AGR3: variants seen among roughly 807,000 people sequenced by gnomAD.
The protein encoded by AGR3 is anterior gradient 3, protein disulphide isomerase family member, also known as anterior gradient protein 3.
AGR3 carries 37 observed loss-of-function variants against 24.5 expected under a neutral mutation model. The observed-to-expected ratio is 1.51, with a 90% CI of 1.16 to 1.99. The LOEUF (loss-of-function observed/expected upper bound fraction) is 1.99. AGR3 is among the 30% of genes most tolerant of loss of function. The pLI is 0.00. For missense variants in AGR3, 228 were observed against 191.1 expected (o/e 1.19, Z -1.14); for synonymous variants, 75 against 61.6 (o/e 1.22, Z -1.02).
At chr7:16,858,891 T>A (rs1267219354), downstream of AGR3, among the ~76,000 whole-genome samples, 1 of 152,030 alleles carries the variant, frequency 6.6e-6, no homozygotes, top group Non-Finnish European at 1.5e-5. Flanking sequence ...AATAAATAAA[T>A]AAATGTAGTT....
At chr7:16,863,537 A>G (rs1187533701) in intron 3 of AGR3, among the ~76,000 whole-genome samples, 1 of 151,790 alleles carries the variant, frequency 6.6e-6, no homozygotes, top group Non-Finnish European at 1.5e-5. Context: ...TTTTTCTTAT[A>G]TTTTCTCCCA....
chr7:16,878,423 T>C, intron 2 of AGR3, 87 bp downstream of exon 2: 11 of 1,167,256 alleles, frequency 9.4e-6, no homozygotes, highest in Non-Finnish European at 1.3e-5. Flanking sequence ...GAATTTGCTT[T>C]ATAATTAGAC....
In AGR3 at chr7:16,861,235, A is replaced by G. The variant is rs116325360; in HGVS notation, c.367+149T>C. 2.9e-3 allele frequency: 1,625 copies of G among 562,438 alleles called. 21 individuals carry two copies. The highest frequency in any genetic ancestry group is 0.028 in the African/African-American group (1,456 of 51,614). The allele number at this position is 562,438 out of a possible 1,614,324, so 34.8% of individuals were successfully genotyped here. ...CAAATTACAGATATAGTGGATTTTG[A>G]TTGTAGAACTAACAAGAGCTGATAT... is the stretch of plus-strand genomic sequence containing the variant. On this transcript the variant is annotated intron_variant, in intron 6 of 7. Transcript: ENST00000310398.
chr7:16,862,041 G>A lies in AGR3; in HGVS notation c.246C>T (p.Ala82=), dbSNP rs1322011272. Residue 82 remains alanine, a synonymous_variant, in exon 5 of 8, where the codon GCC becomes GCT. Coordinates refer to ENST00000310398, the MANE Select transcript of AGR3 (RefSeq NM_176813.5). ...CCATTTCTTGTATTTCTTCATTTTG[G>A]GCAAATACTTTCTTTAGTGCTATAG... ...QYSQALKKVF[A]QNEEIQEMAQ... The A allele has an allele frequency of 1.9e-6, 3 of 1,613,130 alleles. No homozygotes were observed. The highest frequency in any genetic ancestry group is 2.5e-6 in the Non-Finnish European group (3 of 1,179,576).
intron 4 of AGR3, among the ~76,000 whole-genome samples, chr7:16,862,394 G>C (rs73307290): frequency 0.052 from 7,922 of 152,116 alleles, 353 homozygotes; most frequent in African/African-American, 0.12. Context: ...AGAGGAATAT[G>C]TAATTCCCAA....
At position 16,860,525 on chromosome 7, in the gene AGR3, T is replaced by A. The variant is rs766886310; in HGVS notation, c.426A>T (p.Thr142=). The A allele has an allele frequency of 5.0e-6, 8 of 1,613,816 alleles. No homozygotes were observed. Among genetic ancestry groups the A allele is most frequent in the Non-Finnish European group, 1.7e-6 (2 of 1,179,706 alleles). The part of the protein sequence containing the change: ...IAGRYSNRLY[T]YEPRDLPLLI... ...ATAGGGGTAAATCCCGAGGCTCATA[T>A]GTGTACAATCTGTTAGAGTATCTTC... The change falls in exon 7 of 8, where the codon ACA becomes ACT. Residue 142 remains threonine (T), a synonymous_variant. Transcript: ENST00000310398.
At chr7:16,861,065 C>T (rs1781632484) in intron 6 of AGR3, among the ~76,000 whole-genome samples, 1 of 151,998 alleles carries the variant, frequency 6.6e-6, no homozygotes, top group African/African-American at 2.4e-5. Context: ...AATTAGTTTT[C>T]ATACATGTCA....
intron 6 of AGR3, among the ~76,000 whole-genome samples, 182 bp from the exon 7 acceptor site, chr7:16,860,765 T>C (rs1310532438): frequency 6.6e-6 from 1 of 152,210 alleles, no homozygotes; most frequent in Non-Finnish European, 1.5e-5. Flanking sequence ...GTGAACATAG[T>C]AGCCAACAGT....
chr7:16,879,712 TCAAA>T (rs760836800), intron 1 of AGR3, among the ~76,000 whole-genome samples: 1 of 152,208 alleles, frequency 6.6e-6, no homozygotes, highest in Non-Finnish European at 1.5e-5. Flanking sequence ...GTGATTCTGT[TCAAA>T]CAAAGATGTT....
chr7:16,864,814 G>A lies in AGR3; in HGVS notation c.174-2152C>T, dbSNP rs189565214. On this transcript the variant is annotated intron_variant, in intron 3 of 7. Transcript: ENST00000310398. ...TTTGTTGGAATGTATCACACCTCTTGTAGCTATAGATGTCCTATATTTCCT... is the reference window on the plus strand; with the variant it reads ...TTTGTTGGAATGTATCACACCTCTTATAGCTATAGATGTCCTATATTTCCT... The A allele has an allele frequency of 7.4e-4, 670 of 900,834 alleles. 2 individuals carry two copies. In the African/African-American group the frequency reaches 9.9e-3, roughly 13 times the overall value. 55.8% of individuals were successfully genotyped at this position (900,834 alleles called of 1,614,324 possible). A position where few individuals can be genotyped will look rare whatever the true frequency, so the allele number is the denominator to read the frequency against.
At chr7:16,872,246 T>C (rs962980907) in intron 3 of AGR3, among the ~76,000 whole-genome samples, 14 of 152,140 alleles carry the variant, frequency 9.2e-5, no homozygotes, top group African/African-American at 3.4e-4. Context: ...ATGGTATTTG[T>C]ATAAAAACAG....
intron 3 of AGR3, chr7:16,873,499 G>C: frequency 3.5e-6 from 1 of 283,458 alleles, no homozygotes; most frequent in Non-Finnish European, 6.7e-6. Flanking sequence ...AATATAGCTA[G>C]ATAGGAGGAA....
chr7:16,880,700 A>G (rs1246838527), intron 1 of AGR3, among the ~76,000 whole-genome samples: 1 of 151,900 alleles, frequency 6.6e-6, no homozygotes, highest in Admixed American at 6.6e-5. Flanking sequence ...AAACCATAAA[A>G]CATTTCAGAA....
At chr7:16,865,482 A>G in intron 3 of AGR3, 4 of 737,202 alleles carry the variant, frequency 5.4e-6, no homozygotes, top group Non-Finnish European at 2.4e-6. Flanking sequence ...CTCTTCCCGA[A>G]TTTCTTTGGG....
chr7:16,879,595 A>G (rs1782063612), intron 1 of AGR3, among the ~76,000 whole-genome samples: 1 of 152,236 alleles, frequency 6.6e-6, no homozygotes. Context: ...CATTGATTTG[A>G]AGTTCCTTTA....
In AGR3 at chr7:16,877,071, A is replaced by G. The variant is rs910133494; in HGVS notation, c.109+1439T>C. ...ATATGTTGACTTTCTGTATATATAG[A>G]TTGTGTGTTTGTTAAACTGAAGTAG... On this transcript the variant is annotated intron_variant, in intron 2 of 7. Transcript: ENST00000310398. Among the ~76,000 whole-genome samples, 4 of 151,736 alleles carry G rather than the reference A, an allele frequency of 2.6e-5. 1 individual carries two copies. Among genetic ancestry groups the G allele is most frequent in the Non-Finnish European group, 5.9e-5 (4 of 67,970 alleles).
chr7:16,879,358 A>C (rs1401087785), intron 1 of AGR3, among the ~76,000 whole-genome samples: 2 of 152,244 alleles, frequency 1.3e-5, no homozygotes, highest in Non-Finnish European at 2.9e-5. Context: ...ACTGATTCTT[A>C]ACTCAATGTG....
intron 1 of AGR3, among the ~76,000 whole-genome samples, chr7:16,880,755 A>T (rs1275585265): frequency 6.6e-6 from 1 of 152,074 alleles, no homozygotes; most frequent in Non-Finnish European, 1.5e-5. Context: ...TACTTTAAAG[A>T]CTGAAACAAA....
intron 1 of AGR3, among the ~76,000 whole-genome samples, chr7:16,880,836 G>A (rs1314169311): frequency 6.6e-6 from 1 of 152,062 alleles, no homozygotes; most frequent in Non-Finnish European, 1.5e-5. Flanking sequence ...AGGGAAGGCA[G>A]CCTTAGTTAG....
Sources: gnomAD v4.1 joint callset for allele counts (sites outside exome capture counted in the v4.1 genomes callset) on GRCh38, gnomAD v4.1.1 for gene constraint, MANE v1.5 for transcripts, NCBI Gene and HGNC (gene_info 2026-07-23, HGNC 2026-07-21) for gene names.